Variants in NHS observed in about 807,000 individuals in gnomAD.
NHS encodes NHS actin remodeling regulator.
In NHS, 5 loss-of-function variants were observed where a neutral mutation model predicts 72.5. The observed-to-expected ratio is 0.07, with a 90% CI of 0.04 to 0.14. The LOEUF (loss-of-function observed/expected upper bound fraction) is 0.14. Ranked by LOEUF, NHS falls within the 10% of genes least tolerant of loss-of-function variation. The pLI, the probability that NHS is intolerant of heterozygous loss-of-function variation, is 1.00. For missense variants in NHS, 1,072 were observed against 1,355.7 expected (o/e 0.79, Z 3.29); for synonymous variants, 464 against 547.7 (o/e 0.85, Z 2.13).
At chrX:17,384,657 C>G (rs932129664) in intron 1 of NHS, among the ~76,000 whole-genome samples, 2 of 112,214 alleles carry the variant, frequency 1.8e-5, no homozygotes, top group African/African-American at 6.5e-5. Flanking sequence ...AGTCTCAGCA[C>G]TTCTAGTCTA....
Position 17,538,145 on chromosome X carries a change from A to G in NHS, c.566-149597A>G, listed in dbSNP as rs2065239070. On this transcript the variant is annotated intron_variant, in intron 1 of 8. Transcript: ENST00000676302. Reference sequence around the variant, plus strand: ...AGGAGCATGAACTTCTTGAGTTCAGATTTCAGGTTTGTGCATTTCCTCATC... The same window carrying G: ...AGGAGCATGAACTTCTTGAGTTCAGGTTTCAGGTTTGTGCATTTCCTCATC... Among the ~76,000 whole-genome samples the G allele has an allele frequency of 3.6e-5, 4 of 111,789 alleles. No homozygotes were observed. In the Admixed American group the frequency reaches 3.8e-4, roughly 11 times the overall value.
At chrX:17,551,427 G>A (rs769158960) in intron 1 of NHS, among the ~76,000 whole-genome samples, 116 of 111,767 alleles carry the variant, frequency 1.0e-3, no homozygotes, top group African/African-American at 3.6e-3. Context: ...TAAGCGGGAT[G>A]GATTGTCTCT....
chrX:17,568,646 A>AGTT (rs929753810), intron 1 of NHS, among the ~76,000 whole-genome samples: 7 of 47,241 alleles, frequency 1.5e-4, no homozygotes, highest in Admixed American at 6.2e-4. Flanking sequence ...CAGGTTACTT[A>AGTT]GTTATTATTA....
chrX:17,716,954 C>T (rs1322690067), intron 3 of NHS, among the ~76,000 whole-genome samples: 1 of 107,586 alleles, frequency 9.3e-6, no homozygotes, highest in Non-Finnish European at 1.9e-5. Flanking sequence ...TTGAGCATTC[C>T]CCTTACTCTT....
intron 1 of NHS, among the ~76,000 whole-genome samples, chrX:17,679,869 G>C (rs2066114901): frequency 9.7e-6 from 1 of 102,682 alleles, no homozygotes; most frequent in Non-Finnish European, 2.0e-5. Context: ...AGGGGGGGGG[G>C]GTGTGCGTTT....
chrX:17,602,667 A>G (rs1436689600), intron 1 of NHS, among the ~76,000 whole-genome samples: 1 of 110,468 alleles, frequency 9.1e-6, no homozygotes, highest in Non-Finnish European at 1.9e-5. Context: ...CTGCTTTACT[A>G]AGCAAGTTAA....
intron 1 of NHS, among the ~76,000 whole-genome samples, chrX:17,508,780 T>C (rs2065071651): frequency 8.9e-6 from 1 of 112,555 alleles, no homozygotes; most frequent in South Asian, 3.7e-4. Context: ...CATTTTTGTT[T>C]ATCTATTCAT....
At chrX:17,422,216 AT>A (rs762999058) in intron 1 of NHS, among the ~76,000 whole-genome samples, 2 of 112,355 alleles carry the variant, frequency 1.8e-5, no homozygotes, top group African/African-American at 6.5e-5. Context: ...TTTGATCAAT[AT>A]TATGCCTATG....
intron 1 of NHS, among the ~76,000 whole-genome samples, chrX:17,594,533 G>A (rs1336983891): frequency 8.9e-6 from 1 of 112,229 alleles, no homozygotes; most frequent in Non-Finnish European, 1.9e-5. Context: ...TCTCCGTTCT[G>A]CCTGGGGTAC....
intron 1 of NHS, among the ~76,000 whole-genome samples, chrX:17,601,476 G>A (rs1427611159): frequency 8.9e-6 from 1 of 112,125 alleles, no homozygotes; most frequent in Non-Finnish European, 1.9e-5. Flanking sequence ...GATTCTAGGT[G>A]TGGTGGAACT....
chrX:17,583,257 G>A (rs758180531), intron 1 of NHS, among the ~76,000 whole-genome samples: 2 of 111,739 alleles, frequency 1.8e-5, no homozygotes, highest in African/African-American at 3.3e-5. Flanking sequence ...ATATCCTAGG[G>A]AAGAGAGGGA....
chrX:17,534,096 TTGTGTG>T (rs59352413), intron 1 of NHS, among the ~76,000 whole-genome samples: 1 of 104,920 alleles, frequency 9.5e-6, no homozygotes, highest in Non-Finnish European at 2.0e-5. Flanking sequence ...TGAAAGGTCA[TTGTGTG>T]TGTGTGTGTG....
chrX:17,440,961 T>C (rs918084316), intron 1 of NHS, among the ~76,000 whole-genome samples: 2 of 111,668 alleles, frequency 1.8e-5, no homozygotes, highest in Non-Finnish European at 3.8e-5. Context: ...ATAGGTCATC[T>C]CTCTGGGGGA....
intron 1 of NHS, among the ~76,000 whole-genome samples, chrX:17,440,882 A>G (rs1472189555): frequency 1.8e-5 from 2 of 111,505 alleles, no homozygotes; most frequent in Non-Finnish European, 3.8e-5. Flanking sequence ...ATCAGAGTCA[A>G]TGGTGCCATT....
intron 1 of NHS, among the ~76,000 whole-genome samples, chrX:17,516,033 G>A (rs1439095343): frequency 2.0e-5 from 2 of 98,963 alleles, no homozygotes; most frequent in East Asian, 6.2e-4. Context: ...GAGACAAACT[G>A]TTAAAAGATG....
intron 1 of NHS, among the ~76,000 whole-genome samples, chrX:17,538,726 G>T (rs1394784093): frequency 8.9e-6 from 1 of 112,152 alleles, no homozygotes; most frequent in Non-Finnish European, 1.9e-5. Flanking sequence ...TCCTTAGCTT[G>T]TGGGGAAGCC....
At chrX:17,538,303 G>T (rs943161485) in intron 1 of NHS, among the ~76,000 whole-genome samples, 1 of 111,883 alleles carries the variant, frequency 8.9e-6, no homozygotes, top group Admixed American at 9.5e-5. Flanking sequence ...TCTAAAAGCA[G>T]ACATGACATG....
intron 1 of NHS, among the ~76,000 whole-genome samples, chrX:17,585,010 A>G (rs2065567034): frequency 9.0e-6 from 1 of 111,693 alleles, no homozygotes; most frequent in Non-Finnish European, 1.9e-5. Context: ...GAGGATAGAG[A>G]CAGGGTCTAG....
intron 1 of NHS, among the ~76,000 whole-genome samples, chrX:17,582,322 T>G (rs1046977139): frequency 1.2e-4 from 13 of 112,324 alleles, no homozygotes; most frequent in Admixed American, 7.5e-4. Flanking sequence ...TTTTACAAAA[T>G]TCTGTAGCTT....
Sources: allele counts gnomAD v4.1 joint callset (sites outside exome capture counted in the v4.1 genomes callset), GRCh38; gene constraint gnomAD v4.1.1; transcripts MANE v1.5; gene names NCBI Gene and HGNC (gene_info 2026-07-23, HGNC 2026-07-21).